PCLO: variants seen among roughly 807,000 people sequenced by gnomAD.
PCLO encodes the protein protein piccolo.
A neutral mutation model predicts 427.5 loss-of-function variants in PCLO; 82 were observed. The observed-to-expected ratio is 0.19, with a 90% CI of 0.16 to 0.23. PCLO has a LOEUF of 0.23. Ranked by LOEUF, PCLO falls within the 10% of genes least tolerant of loss-of-function variation. The pLI is 1.00. For synonymous variants in PCLO, 2,357 were observed against 2,155.4 expected, an observed-to-expected ratio of 1.09 and a Z score of -2.59; for missense variants, 6,239 against 6,115.9, an observed-to-expected ratio of 1.02 and a Z score of -0.67.
rs751245585 is a variant in PCLO, at chr7:82,950,011, A to C, written c.10577T>G (p.Val3526Gly). The C allele has an allele frequency of 6.2e-7, 1 of 1,613,276 alleles. No individual in the cohort carries two copies. Among genetic ancestry groups the C allele is most frequent in the South Asian group, 1.1e-5 (1 of 91,036 alleles). Residue 3526 changes from valine to glycine, a missense_variant, in exon 6 of 25, where the codon GTG (valine) becomes GGG (glycine). Coordinates refer to ENST00000333891, the MANE Select transcript of PCLO (RefSeq NM_033026.6). Reference protein sequence around the residue: ...IAVQTVAEISVQTEPVGTIRT... With the variant: ...IAVQTVAEISGQTEPVGTIRT... ...TATGGTTCCAACTGGTTCAGTTTGCACAGATATCTCTGCTACCGTTTGAAC... is the reference window on the plus strand; with the variant it reads ...TATGGTTCCAACTGGTTCAGTTTGCCCAGATATCTCTGCTACCGTTTGAAC...
chr7:83,058,768 G>A (rs915188497), intron 3 of PCLO, among the ~76,000 whole-genome samples: 7 of 152,108 alleles, frequency 4.6e-5, no homozygotes, highest in East Asian at 1.9e-4. Context: ...CTAGGCAATC[G>A]ACTCCACAGC....
At chr7:82,984,488 T>C (rs941853373) in intron 3 of PCLO, among the ~76,000 whole-genome samples, 3 of 148,640 alleles carry the variant, frequency 2.0e-5, no homozygotes, top group Non-Finnish European at 4.5e-5. Context: ...GGGGGAAAAA[T>C]AAGCATTGCG....
chr7:82,832,708 C>G (rs1040382417), intron 16 of PCLO, among the ~76,000 whole-genome samples: 2 of 151,350 alleles, frequency 1.3e-5, no homozygotes, highest in Non-Finnish European at 2.9e-5. Context: ...AATTTGAAGG[C>G]TTCTTTGGTG....
intron 3 of PCLO, among the ~76,000 whole-genome samples, chr7:83,021,014 G>T (rs906958553): frequency 6.6e-6 from 1 of 151,958 alleles, no homozygotes; most frequent in East Asian, 1.9e-4. Flanking sequence ...TTCTTTCAGG[G>T]CCTGCACACC....
At position 82,866,729 on chromosome 7, in the gene PCLO, T is replaced by G. The variant is rs78127585; in HGVS notation, c.13654+12608A>C. Among the ~76,000 whole-genome samples the G allele has an allele frequency of 6.3e-3, 956 of 150,974 alleles. 10 individuals carry two copies. Among genetic ancestry groups the G allele is most frequent in the Non-Finnish European group, 0.011 (743 of 67,724 alleles). ...AATATGAATTTCTTGAGGACTGAAG[T>G]AAAAACCTGCATTCTTGTAGGCTAT... On this transcript the variant is annotated intron_variant, in intron 10 of 24. Coordinates refer to ENST00000333891, the MANE Select transcript of PCLO (RefSeq NM_033026.6).
At chr7:83,111,327 T>C (rs1790997000) in intron 3 of PCLO, among the ~76,000 whole-genome samples, 1 of 152,216 alleles carries the variant, frequency 6.6e-6, no homozygotes, top group South Asian at 2.1e-4. Context: ...ACTGTAAATA[T>C]TATGGGATAT....
chr7:82,852,274 C>T (rs1024162914), intron 10 of PCLO, among the ~76,000 whole-genome samples: 1 of 151,954 alleles, frequency 6.6e-6, no homozygotes, highest in African/African-American at 2.4e-5. Flanking sequence ...TTGAAGGATG[C>T]AGTATTGTTC....
intron 6 of PCLO, among the ~76,000 whole-genome samples, chr7:82,925,846 G>T (rs1794700735): frequency 6.6e-6 from 1 of 150,592 alleles, no homozygotes; most frequent in Non-Finnish European, 1.5e-5. Context: ...CTCTGAGGTA[G>T]CTGGGACTCC....
chr7:82,820,988 C>A, intron 20 of PCLO: 1 of 1,225,968 alleles, frequency 8.2e-7, no homozygotes. Flanking sequence ...AATGCCATGC[C>A]CACAAAAGCA....
At chr7:83,066,266 T>G (rs1789668755) in intron 3 of PCLO, among the ~76,000 whole-genome samples, 1 of 152,132 alleles carries the variant, frequency 6.6e-6, no homozygotes, top group African/African-American at 2.4e-5. Context: ...ACTTGCTACC[T>G]TTGTATTGAT....
intron 15 of PCLO, among the ~76,000 whole-genome samples, chr7:82,836,465 A>G (rs1792235985): frequency 6.6e-6 from 1 of 152,062 alleles, no homozygotes; most frequent in African/African-American, 2.4e-5. Flanking sequence ...GATATAAATG[A>G]ATTAACATAA....
At chr7:83,060,924 G>A (rs1237242102) in intron 3 of PCLO, among the ~76,000 whole-genome samples, 4 of 152,142 alleles carry the variant, frequency 2.6e-5, no homozygotes, top group African/African-American at 9.7e-5. Flanking sequence ...CATAAAGTTT[G>A]GTAGATATAC....
At chr7:82,961,087 G>A (rs1372158734) in intron 4 of PCLO, among the ~76,000 whole-genome samples, 4 of 152,106 alleles carry the variant, frequency 2.6e-5, no homozygotes, top group Non-Finnish European at 1.5e-5. Context: ...AATTGTATAA[G>A]GAAGTACTTA....
chr7:82,955,363 C>G lies in PCLO; in HGVS notation c.5590G>C (p.Glu1864Gln). ...ATTTCAAAACCTTCTGGGTCTGACT[C>G]TATGCTAGGTGAATATTCAGAACAA... ...SSCSEYSPSI[E>Q]SDPEGFEISP... Residue 1864 changes from glutamate to glutamine, a missense_variant, in exon 5 of 25, where the codon GAG (glutamate) becomes CAG (glutamine). Coordinates refer to ENST00000333891, the MANE Select transcript of PCLO (RefSeq NM_033026.6). The G allele has an allele frequency of 6.2e-7, 1 of 1,613,718 alleles. No individual in the cohort carries two copies. The highest frequency in any genetic ancestry group is 8.5e-7 in the Non-Finnish European group (1 of 1,179,724).
chr7:83,155,958 T>A lies in PCLO; in HGVS notation c.683A>T (p.Asp228Val), dbSNP rs765743851. ...GGGAGTGCCATCCTGCTGAAGCGGA[T>A]CCCTACCAGGTCCTTGCTGCTTAGG... Reference protein sequence around the residue: ...PIPKQQGPGRDPLQQDGTPKS... With the variant: ...PIPKQQGPGRVPLQQDGTPKS... Residue 228 changes from aspartate (D) to valine (V), a missense_variant, in exon 2 of 25, where the codon GAT becomes GTT. Around this residue, in one of 5 missense-constraint regions of PCLO, gnomAD observed 4,677 missense variants for 4,468.4 expected, o/e 1.05. Coordinates refer to ENST00000333891, the MANE Select transcript of PCLO (RefSeq NM_033026.6). The A allele has an allele frequency of 1.1e-5, 17 of 1,613,874 alleles. No homozygotes were observed. Among genetic ancestry groups the A allele is most frequent in the Non-Finnish European group, 1.4e-5 (17 of 1,179,838 alleles).
At chr7:82,775,081 T>C (rs1355693288) in intron 22 of PCLO, among the ~76,000 whole-genome samples, 1 of 152,216 alleles carries the variant, frequency 6.6e-6, no homozygotes, top group African/African-American at 2.4e-5. Flanking sequence ...CTTTTCAGTA[T>C]TGAACAATAT....
At chr7:82,812,542 C>T (rs1791594465) in intron 20 of PCLO, among the ~76,000 whole-genome samples, 1 of 151,308 alleles carries the variant, frequency 6.6e-6, no homozygotes, top group African/African-American at 2.4e-5. Flanking sequence ...GAAAGTTTGA[C>T]TAAGACATTA....
intron 22 of PCLO, among the ~76,000 whole-genome samples, chr7:82,793,816 A>T (rs1045033004): frequency 1.3e-5 from 2 of 152,104 alleles, no homozygotes; most frequent in Non-Finnish European, 2.9e-5. Flanking sequence ...GTGTCTCTGG[A>T]TTCACAAAGT....
intron 3 of PCLO, among the ~76,000 whole-genome samples, chr7:82,989,874 T>G (rs1655329353): frequency 6.6e-6 from 1 of 152,160 alleles, no homozygotes; most frequent in Admixed American, 6.6e-5. Flanking sequence ...AAATTCTTCT[T>G]TCCCCAAACC....
Sources: allele counts gnomAD v4.1 joint callset (sites outside exome capture counted in the v4.1 genomes callset), GRCh38; gene constraint gnomAD v4.1.1; regional missense constraint gnomAD v4.1.1; transcripts MANE v1.5; gene names NCBI Gene and HGNC (gene_info 2026-07-23, HGNC 2026-07-21).